Variants in MED13L observed in about 807,000 individuals in gnomAD.
MED13L encodes mediator of RNA polymerase II transcription subunit 13-like.
In MED13L, 7 loss-of-function variants were observed where a neutral mutation model predicts 220.9. The ratio of observed to expected loss-of-function variants is 0.03; its 90% CI spans 0.02 to 0.06. MED13L has a LOEUF of 0.06. Among genes scored for constraint, MED13L ranks in the 10% least tolerant of loss-of-function variants. The pLI, the probability that MED13L is intolerant of heterozygous loss-of-function variation, is 1.00. For missense variants in MED13L, 1,965 were observed against 2,760.5 expected (o/e 0.71, Z 6.46); for synonymous variants, 1,011 against 1,015.2 (o/e 1.00, Z 0.08).
intron 5 of MED13L, among the ~76,000 whole-genome samples, chr12:116,021,367 T>C (rs937784371): frequency 3.3e-5 from 5 of 152,156 alleles, no homozygotes; most frequent in African/African-American, 1.2e-4. Context: ...AAATGTTGGA[T>C]GGAGTCAGAT....
intron 2 of MED13L, among the ~76,000 whole-genome samples, chr12:116,135,902 C>T (rs1222588825): frequency 2.6e-5 from 4 of 151,280 alleles, no homozygotes; most frequent in Non-Finnish European, 2.9e-5. Flanking sequence ...TCAAAGATTC[C>T]CTTTTTTTTT....
At chr12:116,139,369 AG>A (rs1876854460) in intron 2 of MED13L, among the ~76,000 whole-genome samples, 1 of 152,258 alleles carries the variant, frequency 6.6e-6, no homozygotes, top group Non-Finnish European at 1.5e-5. Context: ...ATTATAATGC[AG>A]ATTCTTCTTT....
chr12:116,024,136 T>G (rs1303400581), intron 4 of MED13L, among the ~76,000 whole-genome samples: 2 of 152,162 alleles, frequency 1.3e-5, no homozygotes, highest in Non-Finnish European at 2.9e-5. Context: ...AAATGTAGAC[T>G]ACAGCCATAG....
chr12:116,126,345 T>C (rs778917599), intron 2 of MED13L, among the ~76,000 whole-genome samples: 5 of 152,200 alleles, frequency 3.3e-5, no homozygotes, highest in Non-Finnish European at 7.3e-5. Flanking sequence ...CAAAGTTAAG[T>C]AACACCGTTG....
intron 30 of MED13L, among the ~76,000 whole-genome samples, chr12:115,963,007 C>T (rs1236098300): frequency 2.0e-5 from 3 of 152,088 alleles, no homozygotes; most frequent in Non-Finnish European, 2.9e-5. Context: ...GGTGACAGAG[C>T]GAGACTCCAT....
At position 116,203,931 on chromosome 12, in the gene MED13L, T is replaced by C. The variant is rs193073359; in HGVS notation, c.310+33537A>G. The stretch of plus-strand genomic sequence containing the variant: ...TTAGTTAGAAACAATAAAAACCCAT[T>C]GCACAAATATTTTTGGTGAATAGGC... On this transcript the variant is annotated intron_variant, in intron 2 of 30. Transcript: ENST00000281928. 4.1e-3 allele frequency among the ~76,000 whole-genome samples: 619 copies of C among 152,328 alleles called. 5 individuals are homozygous for C. The highest frequency in any genetic ancestry group is 6.9e-3 in the Non-Finnish European group (469 of 68,020).
chr12:116,078,160 A>G (rs903102016), intron 4 of MED13L, among the ~76,000 whole-genome samples: 14 of 150,538 alleles, frequency 9.3e-5, no homozygotes, highest in Admixed American at 2.0e-4. Flanking sequence ...AAAAAAAAAA[A>G]GGAAGGAAGA....
At chr12:116,179,236 T>A (rs1485915526) in intron 2 of MED13L, among the ~76,000 whole-genome samples, 1 of 148,968 alleles carries the variant, frequency 6.7e-6, no homozygotes. Context: ...TGTGTGTGTG[T>A]ACACAATTTT....
intron 2 of MED13L, among the ~76,000 whole-genome samples, chr12:116,209,277 G>A (rs116326241): frequency 2.7e-4 from 41 of 152,254 alleles, no homozygotes; most frequent in African/African-American, 9.9e-4. Context: ...TATGACGTTT[G>A]ATTCCTAAGA....
At chr12:116,002,973 A>G in intron 14 of MED13L, 30 bp downstream of exon 14, 1 of 1,549,730 alleles carries the variant, frequency 6.5e-7, no homozygotes, top group Non-Finnish European at 8.9e-7. Flanking sequence ...GCAGTGAGCC[A>G]CAATGGCTCA....
chr12:116,237,560 C>T lies in MED13L; in HGVS notation c.218G>A (p.Arg73His). The T allele has an allele frequency of 2.5e-6, 4 of 1,614,216 alleles. No individual in the cohort carries two copies. The highest frequency in any genetic ancestry group is 1.3e-5 in the African/African-American group (1 of 75,050). Residue 73 changes from arginine (R) to histidine (H), a missense_variant, in exon 2 of 31, where the codon CGT becomes CAT. Physicochemically the swap from Arg to His is conservative, Grantham distance 29 (BLOSUM62 0). Coordinates refer to ENST00000281928, the MANE Select transcript of MED13L (RefSeq NM_015335.5). Reference sequence around the variant, plus strand: ...TTTGCAATCTGGTTTGACATCACGACGCCATACACAAAGCAGGTTAGCTTG... The same window carrying T: ...TTTGCAATCTGGTTTGACATCACGATGCCATACACAAAGCAGGTTAGCTTG... ...CLQANLLCVW[R>H]RDVKPDCKEL...
chr12:116,133,560 C>T lies in MED13L; in HGVS notation c.311-22048G>A, dbSNP rs905170738. ...CAGGCAGGCCCCTGAGCCCACAGTT[C>T]GCCCCATCTGACAAACAATATTTTC... On this transcript the variant is annotated intron_variant, in intron 2 of 30. Transcript: ENST00000281928. 2.0e-4 allele frequency among the ~76,000 whole-genome samples: 31 copies of T among 152,192 alleles called. No homozygotes were observed. The East Asian group carries it at 3.7e-3, about 18-fold the overall frequency.
chr12:116,176,876 CAAAAA>C (rs11285058), intron 2 of MED13L, among the ~76,000 whole-genome samples: 3 of 74,228 alleles, frequency 4.0e-5, no homozygotes, highest in African/African-American at 1.6e-4. Flanking sequence ...AGAACTCAGC[CAAAAA>C]AAAAAAAAAA....
At chr12:116,086,174 G>A (rs1176774816) in intron 4 of MED13L, among the ~76,000 whole-genome samples, 2 of 152,094 alleles carry the variant, frequency 1.3e-5, no homozygotes, top group African/African-American at 4.8e-5. Context: ...TACAAGTCAA[G>A]AGACATAGGC....
intron 10 of MED13L, chr12:116,008,144 G>T (rs1879167521): frequency 6.1e-6 from 3 of 488,454 alleles, no homozygotes; most frequent in South Asian, 4.4e-5. Context: ...AAACAGTAGG[G>T]CAAAAATGTA....
chr12:116,147,009 G>A (rs1172658251), intron 2 of MED13L, among the ~76,000 whole-genome samples: 1 of 152,004 alleles, frequency 6.6e-6, no homozygotes, highest in Admixed American at 6.6e-5. Flanking sequence ...ATTTATGGTG[G>A]CCCTACTATG....
intron 8 of MED13L, among the ~76,000 whole-genome samples, chr12:116,013,293 A>G (rs1879528207): frequency 6.6e-6 from 1 of 152,158 alleles, no homozygotes. Flanking sequence ...TATCGGTAGC[A>G]TATGAATTCT....
chr12:116,256,695 T>TC (rs1326380136), intron 1 of MED13L, among the ~76,000 whole-genome samples: 2 of 147,074 alleles, frequency 1.4e-5, no homozygotes, highest in Non-Finnish European at 3.0e-5. Context: ...TTTTTTTTTT[T>TC]TTTTTTTTTG....
chr12:115,997,240 A>G lies in MED13L; in HGVS notation c.2570-10T>C. On this transcript the variant is annotated splice_polypyrimidine_tract_variant and intron_variant, in intron 14 of 30. Coordinates refer to ENST00000281928, the MANE Select transcript of MED13L (RefSeq NM_015335.5). ...TGCAAGTCTGCAACTGCTAAAAATA[A>G]GAAATAAAAAAAATTTGTTTAATAG... The G allele has an allele frequency of 6.2e-7, 1 of 1,612,840 alleles. No individual in the cohort carries two copies. The highest frequency in any genetic ancestry group is 8.5e-7 in the Non-Finnish European group (1 of 1,179,192).
Sources: gnomAD v4.1 joint callset for allele counts (sites outside exome capture counted in the v4.1 genomes callset) on GRCh38, gnomAD v4.1.1 for gene constraint, MANE v1.5 for transcripts, NCBI Gene and HGNC (gene_info 2026-07-23, HGNC 2026-07-21) for gene names.